Variants in ZNF684 observed in about 807,000 individuals in gnomAD.
ZNF684 encodes the protein hypothetical protein MGC27466.
In ZNF684, 13 loss-of-function variants were observed where a neutral mutation model predicts 12.8. That is an observed-to-expected ratio of 1.02 (90% CI 0.66 to 1.62). ZNF684 has a LOEUF of 1.62. Ranked by LOEUF, ZNF684 falls within the 40% of genes most tolerant of loss-of-function variation. The probability of loss-of-function intolerance (pLI) is 0.00; values close to 1 mark genes in which losing one functional copy is unlikely to be tolerated. For missense variants in ZNF684, 384 were observed against 446.9 expected (o/e 0.86, Z 1.27); for synonymous variants, 118 against 151.8 (o/e 0.78, Z 1.64).
At chr1:40,541,506 T>C in intron 3 of ZNF684, 109 bp from the exon 4 acceptor site, 2 of 826,740 alleles carry the variant, frequency 2.4e-6, no homozygotes, top group Non-Finnish European at 2.0e-6. Context: ...TTTTAAAGGC[T>C]GCTTGTTATC....
chr1:40,540,928 A>G (rs1646011004), intron 3 of ZNF684, among the ~76,000 whole-genome samples: 1 of 150,780 alleles, frequency 6.6e-6, no homozygotes, highest in Admixed American at 6.7e-5. Flanking sequence ...GTGGTGGTAC[A>G]TGCCTGTTGT....
chr1:40,534,796 C>T (rs1404336995), intron 2 of ZNF684, among the ~76,000 whole-genome samples: 1 of 151,076 alleles, frequency 6.6e-6, no homozygotes, highest in African/African-American at 2.4e-5. Flanking sequence ...AGTTCAAGAC[C>T]AGCCTGGGCA....
intron 2 of ZNF684, among the ~76,000 whole-genome samples, chr1:40,539,532 T>C (rs1646003160): frequency 6.6e-6 from 1 of 151,998 alleles, no homozygotes; most frequent in African/African-American, 2.4e-5. Flanking sequence ...AGAAAAAACG[T>C]CGTTGCTGCA....
In ZNF684 at chr1:40,541,387, G is replaced by A. The variant is rs185136691; in HGVS notation, c.143-228G>A. ...TTTAGCAGAGACAGGGTCTCACTGT[G>A]TTAGCCAGGATGGTCTCGATCTCCT... On this transcript the variant is annotated intron_variant, in intron 3 of 4. Coordinates refer to ENST00000372699, the MANE Select transcript of ZNF684 (RefSeq NM_152373.4). 380 of 342,646 alleles carry A rather than the reference G, an allele frequency of 1.1e-3. 2 individuals are homozygous for A. The highest frequency in any genetic ancestry group is 7.6e-3 in the African/African-American group (361 of 47,576). 21.2% of individuals were successfully genotyped at this position (342,646 alleles called of 1,614,324 possible).
intron 3 of ZNF684, chr1:40,541,308 C>G (rs1038537910): frequency 5.0e-6 from 1 of 198,092 alleles, no homozygotes; most frequent in East Asian, 1.1e-4. Context: ...CTCAGCCTCC[C>G]GAGTAGCTGA....
intron 2 of ZNF684, among the ~76,000 whole-genome samples, chr1:40,539,839 T>C (rs1311441114): frequency 6.6e-6 from 1 of 152,040 alleles, no homozygotes; most frequent in Non-Finnish European, 1.5e-5. Flanking sequence ...CATAGATACA[T>C]ACATATATCT....
At chr1:40,546,229 G>C (rs1570115461) in intron 4 of ZNF684, among the ~76,000 whole-genome samples, 1 of 152,258 alleles carries the variant, frequency 6.6e-6, no homozygotes, top group East Asian at 1.9e-4. Flanking sequence ...CCTATCTCCT[G>C]TGTGTTTGGT....
At chr1:40,545,103 A>G (rs1278569657) in intron 4 of ZNF684, 2 of 152,256 alleles carry the variant, frequency 1.3e-5, no homozygotes, top group Non-Finnish European at 2.9e-5. Context: ...GTAATGCAAG[A>G]TGCTGCTTCC....
At chr1:40,542,433 T>C (rs1646021704) in intron 4 of ZNF684, among the ~76,000 whole-genome samples, 1 of 152,188 alleles carries the variant, frequency 6.6e-6, no homozygotes, top group Non-Finnish European at 1.5e-5. Flanking sequence ...TTGGTAATAT[T>C]GATAACTTTT....
chr1:40,542,276 A>G (rs1270009012), intron 4 of ZNF684, among the ~76,000 whole-genome samples: 1 of 152,156 alleles, frequency 6.6e-6, no homozygotes, highest in Non-Finnish European at 1.5e-5. Context: ...TATTTTTTTC[A>G]AAACTTTTAG....
chr1:40,542,232 G>T (rs559421193), intron 4 of ZNF684, among the ~76,000 whole-genome samples: 6 of 152,200 alleles, frequency 3.9e-5, no homozygotes, highest in African/African-American at 1.4e-4. Flanking sequence ...ACTTCAAATA[G>T]TTGGCAGATA....
At chr1:40,533,566 C>T (rs1015136573) in intron 2 of ZNF684, among the ~76,000 whole-genome samples, 3 of 152,168 alleles carry the variant, frequency 2.0e-5, no homozygotes, top group Admixed American at 6.6e-5. Flanking sequence ...CAGCAGCCTG[C>T]GATAAATACA....
At chr1:40,540,284 A>C (rs960238997) in intron 2 of ZNF684, among the ~76,000 whole-genome samples, 4 of 152,062 alleles carry the variant, frequency 2.6e-5, no homozygotes, top group Non-Finnish European at 5.9e-5. Context: ...TTCTTATATG[A>C]TGTAAAATGG....
At position 40,543,748 on chromosome 1, in the gene ZNF684, G is replaced by A. The variant is rs567095016; in HGVS notation, c.238+2038G>A. Among the ~76,000 whole-genome samples the A allele has an allele frequency of 6.6e-5, 10 of 152,226 alleles. No individual in the cohort carries two copies. In the South Asian group the frequency reaches 1.5e-3, roughly 22 times the overall value. The stretch of plus-strand genomic sequence containing the variant: ...TGGGATTACAGGCGTGAGCCACCTC[G>A]CCCAGCTTATATACCGTTTTCTTCT... On this transcript the variant is annotated intron_variant, in intron 4 of 4. Transcript: ENST00000372699.
At chr1:40,534,829 G>GA (rs376464794) in intron 2 of ZNF684, among the ~76,000 whole-genome samples, 3,681 of 148,562 alleles carry the variant, frequency 0.025, 145 homozygotes, top group African/African-American at 0.087. Flanking sequence ...CCCATCTCTA[G>GA]AAAAAAAAAA....
intron 4 of ZNF684, among the ~76,000 whole-genome samples, chr1:40,545,915 CTT>C (rs55993619): frequency 0.045 from 3,066 of 67,578 alleles, 25 homozygotes; most frequent in African/African-American, 0.11. Flanking sequence ...GTCTCCTTTT[CTT>C]TTTTTTTTTT....
chr1:40,534,461 GAACTCCTGACCTCAGGTGATCC>G (rs1645974164), intron 2 of ZNF684, among the ~76,000 whole-genome samples: 1 of 150,880 alleles, frequency 6.6e-6, no homozygotes. Context: ...GGCTGGTCTC[GAACTCCTGACCTCAGGTGATCC>G]ACCCATCTCA....
chr1:40,538,279 C>T (rs1302714722), intron 2 of ZNF684, among the ~76,000 whole-genome samples: 2 of 152,152 alleles, frequency 1.3e-5, no homozygotes, highest in African/African-American at 4.8e-5. Context: ...AGGTGAGAGG[C>T]ATGACACCTG....
rs1249301415 is a variant in ZNF684 at position 40,547,201 on chromosome 1, A to G, written c.878A>G (p.His293Arg). Reference protein sequence around the residue: ...SSSLYKHSRFHTGEKPYQCII... With the variant: ...SSSLYKHSRFRTGEKPYQCII... ...TCCCTTTATAAACATTCCAGATTTC[A>G]TACAGGAGAGAAACCCTACCAGTGT... The change falls in exon 5 of 5, where the codon CAT becomes CGT. Residue 293 changes from histidine to arginine, a missense_variant. Transcript: ENST00000372699. The G allele has an allele frequency of 6.2e-7, 1 of 1,614,238 alleles. No homozygotes were observed. Among genetic ancestry groups the G allele is most frequent in the South Asian group, 1.1e-5 (1 of 91,088 alleles).
Sources: gnomAD v4.1 joint callset for allele counts (sites outside exome capture counted in the v4.1 genomes callset) on GRCh38, gnomAD v4.1.1 for gene constraint, MANE v1.5 for transcripts, NCBI Gene and HGNC (gene_info 2026-07-23, HGNC 2026-07-21) for gene names.